Variants in KIF9 observed in about 807,000 individuals in gnomAD.
KIF9 encodes the protein kinesin family member 9, also known as kinesin-like protein KIF9.
A neutral mutation model predicts 94.8 loss-of-function variants in KIF9; 68 were observed. The observed-to-expected ratio is 0.72, with a 90% CI of 0.59 to 0.88. KIF9 has a LOEUF of 0.88. Ranked by LOEUF, KIF9 falls within the 40% of genes least tolerant of loss-of-function variation. The probability of loss-of-function intolerance (pLI) is 0.00; values close to 1 mark genes in which losing one functional copy is unlikely to be tolerated. For synonymous variants in KIF9, 343 were observed against 362.1 expected (o/e 0.95, Z 0.60); for missense variants, 882 against 982.5 (o/e 0.90, Z 1.37).
At chr3:47,277,420 C>A in intron 1 of KIF9, 41 bp from the exon 2 acceptor site, 1 of 1,362,142 alleles carries the variant, frequency 7.3e-7, no homozygotes, top group South Asian at 1.2e-5. Flanking sequence ...TAGTCATTAT[C>A]AAATAACAAG....
chr3:47,242,384 A>G (rs1440686546), intron 16 of KIF9, among the ~76,000 whole-genome samples: 2 of 152,200 alleles, frequency 1.3e-5, no homozygotes, highest in East Asian at 3.8e-4. Context: ...GGATAGAAGG[A>G]TAGAGGCAGA....
Position 47,244,911 on chromosome 3 carries a change from T to C in KIF9, c.1394A>G (p.Asp465Gly), listed in dbSNP as rs773824803. The C allele has an allele frequency of 8.1e-5, 130 of 1,613,902 alleles. No homozygotes were observed. The Admixed American group carries it at 1.3e-3, about 16-fold the overall frequency. Residue 465 changes from aspartate to glycine, a missense_variant, in exon 15 of 21, where the codon GAT (aspartate) becomes GGT (glycine). Asp to Gly is a moderately conservative substitution (Grantham distance 94, BLOSUM62 -1). Coordinates refer to ENST00000684063, the MANE Select transcript of KIF9 (RefSeq NM_182902.4). ...CTCACCCACTAGGTGGCCATCAACA[T>C]CCACAAGCCCCGCCTACATAGAGAG... ...ISAIQKAGLVDVDGHLVGEPE... is the reference protein window; with the variant it reads ...ISAIQKAGLVGVDGHLVGEPE...
chr3:47,263,192 C>T (rs530494622), intron 9 of KIF9, among the ~76,000 whole-genome samples: 5 of 152,204 alleles, frequency 3.3e-5, no homozygotes, highest in South Asian at 2.1e-4. Context: ...CCACCACGCC[C>T]GGCCCCTAAT....
Position 47,282,742 on chromosome 3 carries a change from C to T in KIF9, c.-253G>A. ...ATCTAGAAAGACTTCGGCGGATGCA[C>T]ATGCGAAGTCAAGGTCGAGATAGCG... On this transcript the variant is annotated 5_prime_UTR_variant, in exon 1 of 21. It adds an upstream start codon to the 5' untranslated region. Coordinates refer to ENST00000684063, the MANE Select transcript of KIF9 (RefSeq NM_182902.4). 1 of 1,421,306 alleles carries T rather than the reference C, an allele frequency of 7.0e-7. No individual in the cohort carries two copies. Among genetic ancestry groups the T allele is most frequent in the Non-Finnish European group, 9.2e-7 (1 of 1,091,168 alleles). 88.0% of individuals were successfully genotyped at this position (1,421,306 alleles called of 1,614,324 possible). A position where few individuals can be genotyped will look rare whatever the true frequency, so the allele number is the denominator to read the frequency against.
intron 10 of KIF9, among the ~76,000 whole-genome samples, chr3:47,250,868 A>C (rs1408121922): frequency 1.3e-5 from 2 of 152,212 alleles, no homozygotes; most frequent in African/African-American, 4.8e-5. Flanking sequence ...CCCAGACCAA[A>C]GGCCTGCTGT....
intron 15 of KIF9, chr3:47,243,840 A>C (rs1699744698): frequency 6.6e-6 from 1 of 152,274 alleles, no homozygotes; most frequent in Non-Finnish European, 1.5e-5. Flanking sequence ...CAAAGGTCTG[A>C]GGATAGAAAA....
chr3:47,234,531 G>A (rs557148311), intron 20 of KIF9, among the ~76,000 whole-genome samples: 35 of 151,036 alleles, frequency 2.3e-4, no homozygotes, highest in Admixed American at 5.3e-4. Flanking sequence ...ACCGTGCCCA[G>A]CCAGAGCCAC....
chr3:47,245,723 G>A (rs1699880034), intron 13 of KIF9: 1 of 575,746 alleles, frequency 1.7e-6, no homozygotes, highest in Admixed American at 3.0e-5. Flanking sequence ...TACCCACAAG[G>A]GCTACCTTAT....
chr3:47,251,061 G>A (rs1700241503), intron 10 of KIF9, among the ~76,000 whole-genome samples: 1 of 152,208 alleles, frequency 6.6e-6, no homozygotes, highest in Non-Finnish European at 1.5e-5. Flanking sequence ...CCCCACAAAG[G>A]TCCCCTTCAG....
chr3:47,234,101 G>T (rs1698827398), intron 20 of KIF9, among the ~76,000 whole-genome samples: 1 of 151,788 alleles, frequency 6.6e-6, no homozygotes, highest in Admixed American at 6.6e-5. Context: ...CCAAAAAAAA[G>T]AAAGAGAGAA....
At chr3:47,238,559 A>G (rs930333684) in intron 17 of KIF9, 1 of 152,064 alleles carries the variant, frequency 6.6e-6, no homozygotes. Context: ...AGTAAATTCA[A>G]TAAAATAAAG....
chr3:47,236,270 C>T, intron 18 of KIF9, 121 bp from the exon 19 acceptor site: 1 of 989,256 alleles, frequency 1.0e-6, no homozygotes, highest in African/African-American at 1.6e-5. Context: ...CTTACCCTGT[C>T]CCCATCTCCA....
chr3:47,265,808 T>A lies in KIF9; in HGVS notation c.838A>T (p.Ile280Phe). The change falls in exon 8 of 21, where the codon ATT (isoleucine) becomes TTT (phenylalanine). Residue 280 changes from isoleucine (I) to phenylalanine (F), a missense_variant. By Grantham distance (21) the Ile-to-Phe change is conservative. Coordinates refer to ENST00000684063, the MANE Select transcript of KIF9 (RefSeq NM_182902.4). The stretch of plus-strand genomic sequence containing the variant: ...TCCCGCTTCTGGTCCCCAAGGGCAA[T>A]GATGGCCTGCTCCAGGAATGAGAGC... ...KSLSFLEQAI[I>F]ALGDQKRDHI... 2 of 1,614,164 alleles carry A rather than the reference T, an allele frequency of 1.2e-6. No individual in the cohort carries two copies. Among genetic ancestry groups the A allele is most frequent in the Non-Finnish European group, 1.7e-6 (2 of 1,180,030 alleles).
At chr3:47,245,128 C>T (rs747018105) in intron 14 of KIF9, 3 of 636,510 alleles carry the variant, frequency 4.7e-6, no homozygotes, top group Non-Finnish European at 8.1e-6. Context: ...CCACATGCAC[C>T]CCCTCACCAG....
At chr3:47,264,015 C>T (rs952356617) in intron 9 of KIF9, 20 of 541,190 alleles carry the variant, frequency 3.7e-5, no homozygotes, top group African/African-American at 2.6e-4. Context: ...CTTGTCTTCA[C>T]AAAGCTGGCT....
chr3:47,281,318 C>G, intron 1 of KIF9: 1 of 377,604 alleles, frequency 2.6e-6, no homozygotes, highest in Non-Finnish European at 4.8e-6. Context: ...CAGCACCTCA[C>G]CACACGCTTT....
intron 20 of KIF9, among the ~76,000 whole-genome samples, chr3:47,234,275 C>G (rs1236505516): frequency 6.6e-6 from 1 of 151,398 alleles, no homozygotes; most frequent in Non-Finnish European, 1.5e-5. Flanking sequence ...ATTCTGTCGC[C>G]GAGGCTGGAG....
chr3:47,236,485 A>C lies in KIF9; in HGVS notation c.2059T>G (p.Cys687Gly). The C allele has an allele frequency of 1.2e-6, 2 of 1,613,716 alleles. No homozygotes were observed. The highest frequency in any genetic ancestry group is 1.7e-6 in the Non-Finnish European group (2 of 1,180,030). ...LRDLRAEIQY[C>G]QHLVDQCRHR... ...CGACACTGATCCACTAGGTGCTGGC[A>C]ATACTGGATCTCAGCCCTGAGGTCA... is the stretch of plus-strand genomic sequence containing the variant. The change falls in exon 18 of 21, where the codon TGC becomes GGC. Residue 687 changes from cysteine (C) to glycine (G), a missense_variant. Transcript: ENST00000684063.
chr3:47,265,924 C>T (rs2107442827), intron 7 of KIF9, 47 bp from the exon 8 acceptor site: 2 of 1,604,624 alleles, frequency 1.2e-6, no homozygotes, highest in East Asian at 4.5e-5. Context: ...AAAGCAGCTG[C>T]CCCACTAAGA....
Sources: allele counts gnomAD v4.1 joint callset (sites outside exome capture counted in the v4.1 genomes callset), GRCh38; gene constraint gnomAD v4.1.1; transcripts MANE v1.5; gene names NCBI Gene and HGNC (gene_info 2026-07-23, HGNC 2026-07-21).